Variants in NRCAM observed in about 807,000 individuals in gnomAD.
NRCAM encodes the protein NgCAM-related cell adhesion molecule.
NRCAM carries 83 observed loss-of-function variants against 156.5 expected under a neutral mutation model. That is an observed-to-expected ratio of 0.53 (90% confidence interval 0.44 to 0.64). The LOEUF (loss-of-function observed/expected upper bound fraction) is 0.64. Among genes scored for constraint, NRCAM ranks in the 30% least tolerant of loss-of-function variants. The pLI, the probability that NRCAM is intolerant of heterozygous loss-of-function variation, is 0.00. For synonymous variants in NRCAM, 538 were observed against 563.9 expected, an observed-to-expected ratio of 0.95 and a Z score of 0.65; for missense variants, 1,417 against 1,597.3, an observed-to-expected ratio of 0.89 and a Z score of 1.92.
chr7:108,314,156 A>T (rs1314199176), intron 2 of NRCAM, among the ~76,000 whole-genome samples: 1 of 152,242 alleles, frequency 6.6e-6, no homozygotes, highest in Non-Finnish European at 1.5e-5. Flanking sequence ...GGGCACTGCT[A>T]CATTTTTAAC....
intron 3 of NRCAM, among the ~76,000 whole-genome samples, chr7:108,275,421 A>T (rs569834792): frequency 1.3e-5 from 2 of 152,262 alleles, no homozygotes; most frequent in African/African-American, 2.4e-5. Flanking sequence ...CAGACCTGTT[A>T]TTGATCTATT....
At position 108,195,818 on chromosome 7, in the gene NRCAM, T is replaced by C. The variant is rs201033539; in HGVS notation, c.1406A>G (p.Asn469Ser). The change falls in exon 15 of 33, where the codon AAC (asparagine) becomes AGC (serine). Residue 469 changes from asparagine to serine, a missense_variant. By Grantham distance (46) the Asn-to-Ser change is conservative. Coordinates refer to ENST00000379028, the MANE Select transcript of NRCAM (RefSeq NM_001037132.4). ...PANTLYQVIA[N>S]RPALLDCAFF... is the part of the protein sequence containing the mutation. ...GGCACAGTCTAGTAAAGCAGGCCTG[T>C]TTGCAATGACCTGGTAGAGTGTGTT... 3.6e-4 allele frequency: 584 copies of C among 1,613,830 alleles called. 1 individual carries two copies. Among genetic ancestry groups the C allele is most frequent in the Non-Finnish European group, 4.3e-4 (511 of 1,179,860 alleles).
At chr7:108,191,551 A>C (rs1285912745) in intron 18 of NRCAM, among the ~76,000 whole-genome samples, 178 bp downstream of exon 18, 1 of 152,226 alleles carries the variant, frequency 6.6e-6, no homozygotes, top group African/African-American at 2.4e-5. Flanking sequence ...GCTGCTACAC[A>C]GTCTATTTAT....
chr7:108,206,517 T>C (rs922783697), intron 13 of NRCAM, among the ~76,000 whole-genome samples: 14 of 152,124 alleles, frequency 9.2e-5, no homozygotes, highest in African/African-American at 3.1e-4. Flanking sequence ...ACTGACTTTC[T>C]CTGTCTTGGT....
At chr7:108,188,449 T>C (rs1488756786) in intron 20 of NRCAM, among the ~76,000 whole-genome samples, 1 of 152,060 alleles carries the variant, frequency 6.6e-6, no homozygotes, top group African/African-American at 2.4e-5. Flanking sequence ...TGCTTAATAA[T>C]GTATTATTAA....
chr7:108,324,890 T>C (rs2099049758), intron 2 of NRCAM, among the ~76,000 whole-genome samples: 1 of 144,944 alleles, frequency 6.9e-6, no homozygotes, highest in Non-Finnish European at 1.5e-5. Flanking sequence ...TTTTTTTTTT[T>C]TTTTTTTTTT....
intron 25 of NRCAM, 64 bp downstream of exon 25, chr7:108,180,159 C>A (rs1159763066): frequency 2.1e-6 from 3 of 1,448,942 alleles, no homozygotes; most frequent in African/African-American, 1.4e-5. Flanking sequence ...GCCCTTCTGT[C>A]AGGCAAAACC....
intron 1 of NRCAM, among the ~76,000 whole-genome samples, chr7:108,401,366 CTG>C (rs2099792126): frequency 1.3e-5 from 2 of 152,058 alleles, no homozygotes; most frequent in South Asian, 2.1e-4. Flanking sequence ...CATGAAGAAA[CTG>C]TCTCTACAAA....
At chr7:108,253,602 G>GA (rs1472947119) in intron 3 of NRCAM, among the ~76,000 whole-genome samples, 9 of 152,222 alleles carry the variant, frequency 5.9e-5, no homozygotes, top group Non-Finnish European at 7.3e-5. Flanking sequence ...GCTAATATCA[G>GA]ATGAGTTTCA....
chr7:108,425,312 A>T (rs1339556623), intron 1 of NRCAM, among the ~76,000 whole-genome samples: 1 of 152,234 alleles, frequency 6.6e-6, no homozygotes, highest in Non-Finnish European at 1.5e-5. Context: ...AGATATTTCC[A>T]AATTCATTTT....
chr7:108,390,077 C>T (rs941647356), intron 2 of NRCAM, among the ~76,000 whole-genome samples: 1 of 152,014 alleles, frequency 6.6e-6, no homozygotes. Context: ...CATAAAATGA[C>T]TTAGGGAGGA....
chr7:108,440,283 GA>G (rs1049297308), intron 1 of NRCAM, among the ~76,000 whole-genome samples: 69 of 152,134 alleles, frequency 4.5e-4, no homozygotes, highest in African/African-American at 1.6e-3. Flanking sequence ...GAAATGTCCA[GA>G]AAAGGCATAT....
At chr7:108,268,844 C>T (rs1207635761) in intron 3 of NRCAM, among the ~76,000 whole-genome samples, 1 of 152,192 alleles carries the variant, frequency 6.6e-6, no homozygotes, top group East Asian at 1.9e-4. Flanking sequence ...AAACAGTATA[C>T]AGGCATCTTC....
chr7:108,317,942 G>GAAAGGA (rs1233559537), intron 2 of NRCAM, among the ~76,000 whole-genome samples: 31 of 148,430 alleles, frequency 2.1e-4, no homozygotes, highest in South Asian at 4.3e-4. Context: ...GAAAGGAAAG[G>GAAAGGA]AAAGGAAAAG....
intron 3 of NRCAM, among the ~76,000 whole-genome samples, chr7:108,289,000 T>A (rs1453251525): frequency 2.6e-5 from 4 of 152,100 alleles, no homozygotes; most frequent in Admixed American, 2.6e-4. Context: ...CTGATTGGAA[T>A]AGCACATGAA....
chr7:108,328,994 C>G (rs1306625483), intron 2 of NRCAM, among the ~76,000 whole-genome samples: 2 of 152,182 alleles, frequency 1.3e-5, no homozygotes, highest in Non-Finnish European at 2.9e-5. Flanking sequence ...TGACTCACAA[C>G]AGTCATTTCT....
rs2099579674 is a variant in NRCAM, at chr7:108,364,486, CAG to C, written c.-174+34948_-174+34949del. On this transcript the variant is annotated intron_variant, in intron 2 of 32. Coordinates refer to ENST00000379028, the MANE Select transcript of NRCAM (RefSeq NM_001037132.4). The stretch of plus-strand genomic sequence containing the variant: ...TTAAATATAGAGTTACTATATGACC[CAG>C]AGATTCCACTCCTATGTATAGACCC... Among the ~76,000 whole-genome samples, 4 of 152,178 alleles carry C rather than the reference CAG, an allele frequency of 2.6e-5. No individual in the cohort carries two copies. In the South Asian group the frequency reaches 8.3e-4, roughly 32 times the overall value.
intron 1 of NRCAM, among the ~76,000 whole-genome samples, chr7:108,450,994 G>A (rs1849631378): frequency 6.6e-6 from 1 of 152,180 alleles, no homozygotes; most frequent in Non-Finnish European, 1.5e-5. Context: ...CAAGGTGGAT[G>A]TATCACCTGA....
Position 108,231,020 on chromosome 7 carries a change from T to C in NRCAM, c.550+11A>G, listed in dbSNP as rs1165041211. On this transcript the variant is annotated intron_variant, in intron 8 of 32. Transcript: ENST00000379028. ...TTTTAAAGAAAGAAAGTTCATATTA[T>C]CAAAACTTACAATTATCCATCCAAA... 6.3e-7 allele frequency: 1 copy of C among 1,590,624 alleles called. No homozygotes were observed. The highest frequency in any genetic ancestry group is 8.6e-7 in the Non-Finnish European group (1 of 1,161,274).
Sources: gnomAD v4.1 joint callset for allele counts (sites outside exome capture counted in the v4.1 genomes callset) on GRCh38, gnomAD v4.1.1 for gene constraint, MANE v1.5 for transcripts, NCBI Gene and HGNC (gene_info 2026-07-23, HGNC 2026-07-21) for gene names.